Variants in STYXL2 observed in about 807,000 individuals in gnomAD.
The protein encoded by STYXL2 is serine/threonine/tyrosine interacting like 2, also known as serine/threonine/tyrosine-interacting-like protein 2.
In STYXL2, 44 loss-of-function variants were observed where a neutral mutation model predicts 52.4. That is an observed-to-expected ratio of 0.84 (90% CI 0.66 to 1.08). The LOEUF (loss-of-function observed/expected upper bound fraction) is 1.08. STYXL2 is among the 50% of genes least tolerant of loss of function. STYXL2 has a pLI of 0.00. For missense variants in STYXL2, 1,604 were observed against 1,471.7 expected (o/e 1.09, Z -1.47); for synonymous variants, 604 against 586.9 (o/e 1.03, Z -0.42).
intron 5 of STYXL2, among the ~76,000 whole-genome samples, chr1:167,124,965 AC>A (rs1553248840): frequency 1.7e-5 from 2 of 119,242 alleles, no homozygotes; most frequent in South Asian, 2.6e-4. Context: ...AAAAAAAAAA[AC>A]CCTGATAAAT....
intron 4 of STYXL2, among the ~76,000 whole-genome samples, chr1:167,117,945 G>A (rs1366172560): frequency 1.3e-5 from 2 of 152,160 alleles, no homozygotes; most frequent in Non-Finnish European, 2.9e-5. Flanking sequence ...ACCAACATTG[G>A]AAAATGTTCA....
chr1:167,110,198 C>T (rs1253427391), intron 2 of STYXL2, among the ~76,000 whole-genome samples: 1 of 152,200 alleles, frequency 6.6e-6, no homozygotes, highest in African/African-American at 2.4e-5. Flanking sequence ...AAGAGAACAC[C>T]ACATGAGACA....
intron 2 of STYXL2, 64 bp from the exon 3 acceptor site, chr1:167,113,646 C>A: frequency 7.9e-7 from 1 of 1,272,686 alleles, no homozygotes; most frequent in Non-Finnish European, 1.1e-6. Context: ...GGTTTCTCAT[C>A]TAAAAGAATG....
intron 2 of STYXL2, 78 bp from the exon 3 acceptor site, chr1:167,113,632 G>A (rs12122365): frequency 0.59 from 672,901 of 1,138,956 alleles, 204,693 homozygotes; most frequent in East Asian, 0.92. Flanking sequence ...TAAAATCAAA[G>A]CCAGGTTTCT....
Position 167,128,886 on chromosome 1 carries a change from T to C in STYXL2, c.*278T>C, listed in dbSNP as rs982887007. ...CTCTAAGCTTTGGTGTTTCACTTAA[T>C]GTATTTGGCAGTGTTCATCACAGGC... On this transcript the variant is annotated 3_prime_UTR_variant, in exon 6 of 6. Coordinates refer to ENST00000361200, the MANE Select transcript of STYXL2 (RefSeq NM_001080426.3). 4.7e-6 allele frequency: 2 copies of C among 421,798 alleles called. No homozygotes were observed. Among genetic ancestry groups the C allele is most frequent in the Non-Finnish European group, 8.5e-6 (2 of 235,244 alleles). 26.1% of individuals were successfully genotyped at this position (421,798 alleles called of 1,614,324 possible). A position where few individuals can be genotyped will look rare whatever the true frequency, so the allele number is the denominator to read the frequency against.
chr1:167,118,688 CT>C (rs773676829), intron 4 of STYXL2, among the ~76,000 whole-genome samples: 1 of 152,196 alleles, frequency 6.6e-6, no homozygotes, highest in Non-Finnish European at 1.5e-5. Flanking sequence ...AACTAGAAAT[CT>C]AAAACACTAG....
chr1:167,094,609 A>G (rs1218276159), intron 1 of STYXL2, among the ~76,000 whole-genome samples: 1 of 152,062 alleles, frequency 6.6e-6, no homozygotes, highest in Non-Finnish European at 1.5e-5. Context: ...TGGCACTTCA[A>G]TATTGTCACT....
At chr1:167,095,989 A>C (rs1667278515) in intron 2 of STYXL2, among the ~76,000 whole-genome samples, 1 of 152,054 alleles carries the variant, frequency 6.6e-6, no homozygotes, top group South Asian at 2.1e-4. Flanking sequence ...GAGCTTAGAG[A>C]CTTCTCCTTT....
In STYXL2 at chr1:167,127,025, A is replaced by G. The variant is rs1571349934; in HGVS notation, c.1894A>G (p.Arg632Gly). The G allele has an allele frequency of 6.2e-7, 1 of 1,606,390 alleles. No individual in the cohort carries two copies. The highest frequency in any genetic ancestry group is 8.5e-7 in the Non-Finnish European group (1 of 1,175,464). The change falls in exon 6 of 6, where the codon AGA becomes GGA. Residue 632 changes from arginine to glycine, a missense_variant. Physicochemically the swap from Arg to Gly is moderately radical, Grantham distance 125 (BLOSUM62 -2). Coordinates refer to ENST00000361200, the MANE Select transcript of STYXL2 (RefSeq NM_001080426.3). ...KRQRRLELLE[R>G]SRQTLEESQS... ...ACAACGGAGGCTGGAGCTGCTGGAG[A>G]GAAGCCGGCAGACGCTGGAGGAGAG...
intron 5 of STYXL2, among the ~76,000 whole-genome samples, chr1:167,120,829 CATATATATATATATATATATATATATAT>C (rs71587032): frequency 0.03 from 3,482 of 115,026 alleles, 183 homozygotes; most frequent in African/African-American, 0.071. Flanking sequence ...GTGTAAATTA[CATATATATATATATATATATATATATAT>C]ATATATATAT....
In STYXL2 at chr1:167,127,793, G is replaced by C; in HGVS notation, c.2662G>C (p.Asp888His). 6.2e-7 allele frequency: 1 copy of C among 1,613,860 alleles called. No individual in the cohort carries two copies. The change falls in exon 6 of 6, where the codon GAC becomes CAC. Residue 888 changes from aspartate to histidine, a missense_variant. Transcript: ENST00000361200. ...EDDGVGDGDE[D>H]TDSAIGSFRY... Reference sequence around the variant, plus strand: ...TGATGGTGTGGGTGATGGGGATGAGGACACTGACAGTGCCATAGGGAGCTT... The same window carrying C: ...TGATGGTGTGGGTGATGGGGATGAGCACACTGACAGTGCCATAGGGAGCTT...
intron 2 of STYXL2, 101 bp from the exon 3 acceptor site, chr1:167,113,609 C>A: frequency 1.1e-6 from 1 of 880,292 alleles, no homozygotes; most frequent in South Asian, 1.4e-5. Flanking sequence ...ACTCGTTGTT[C>A]CCCACTTGTT....
At chr1:167,106,923 A>G (rs141971266) in intron 2 of STYXL2, among the ~76,000 whole-genome samples, 1 of 152,328 alleles carries the variant, frequency 6.6e-6, no homozygotes, top group East Asian at 1.9e-4. Context: ...CCTGTTATCT[A>G]TTGGTGCTTA....
chr1:167,121,633 C>T (rs1363078176), intron 5 of STYXL2, among the ~76,000 whole-genome samples: 1 of 152,232 alleles, frequency 6.6e-6, no homozygotes, highest in African/African-American at 2.4e-5. Context: ...TGCCAGGAGC[C>T]GCGAGGGCTC....
intron 4 of STYXL2, 124 bp from the exon 5 acceptor site, chr1:167,119,125 G>A (rs912226008): frequency 3.8e-6 from 3 of 790,872 alleles, no homozygotes; most frequent in African/African-American, 3.4e-5. Context: ...AGACAACCAG[G>A]GGCAGAAAAG....
intron 5 of STYXL2, 81 bp downstream of exon 5, chr1:167,119,547 G>A: frequency 8.1e-7 from 1 of 1,236,908 alleles, no homozygotes; most frequent in Non-Finnish European, 1.2e-6. Context: ...AACCTGATTA[G>A]TTGGCGTGTG....
rs757110190 is a variant in STYXL2 at position 167,117,324 on chromosome 1, C to T, written c.206-4C>T. The T allele has an allele frequency of 6.2e-6, 10 of 1,601,884 alleles. No homozygotes were observed. Among genetic ancestry groups the T allele is most frequent in the Non-Finnish European group, 8.5e-6 (10 of 1,174,464 alleles). On this transcript the variant is annotated splice_region_variant and splice_polypyrimidine_tract_variant and intron_variant, in intron 3 of 5. Coordinates refer to ENST00000361200, the MANE Select transcript of STYXL2 (RefSeq NM_001080426.3). ...CTGATGAGAATGCTGCCTGTCTCCT[C>T]TAGAACTCAAGCCACCGGGGGTCAG...
At chr1:167,107,132 G>C (rs1032039041) in intron 2 of STYXL2, among the ~76,000 whole-genome samples, 2 of 152,142 alleles carry the variant, frequency 1.3e-5, no homozygotes, top group African/African-American at 4.8e-5. Context: ...AGCTCAGCAG[G>C]GACTGTTGAC....
Position 167,127,151 on chromosome 1 carries a change from G to T in STYXL2, c.2020G>T (p.Asp674Tyr). Residue 674 changes from aspartate (D) to tyrosine (Y), a missense_variant, in exon 6 of 6, where the codon GAC (aspartate) becomes TAC (tyrosine). By Grantham distance (160) the Asp-to-Tyr change is radical. Coordinates refer to ENST00000361200, the MANE Select transcript of STYXL2 (RefSeq NM_001080426.3). ...AGACCCCTCAGTCAGCGCTGATGGG[G>T]ACACGACGTCAGTACTGAGCACCCA... Reference protein sequence around the residue: ...SADPSVSADGDTTSVLSTQSH... With the variant: ...SADPSVSADGYTTSVLSTQSH... 1 of 1,614,124 alleles carries T rather than the reference G, an allele frequency of 6.2e-7. No individual in the cohort carries two copies. The highest frequency in any genetic ancestry group is 1.3e-5 in the African/African-American group (1 of 75,028).
Sources: allele counts gnomAD v4.1 joint callset (sites outside exome capture counted in the v4.1 genomes callset), GRCh38; gene constraint gnomAD v4.1.1; transcripts MANE v1.5; gene names NCBI Gene and HGNC (gene_info 2026-07-23, HGNC 2026-07-21).